Variants in CLEC2L observed in about 807,000 individuals in gnomAD.
CLEC2L encodes the protein C-type lectin domain family 2 member L.
A neutral mutation model predicts 23.6 loss-of-function variants in CLEC2L; 14 were observed. The observed-to-expected ratio is 0.59, with a 90% confidence interval of 0.39 to 0.93. The LOEUF is 0.93. Among genes scored for constraint, CLEC2L ranks in the 40% least tolerant of loss-of-function variants. The pLI is 0.00. For synonymous variants in CLEC2L, 114 were observed against 121.3 expected, an observed-to-expected ratio of 0.94 and a Z score of 0.40; for missense variants, 264 against 282.4, an observed-to-expected ratio of 0.93 and a Z score of 0.47.
intron 1 of CLEC2L, among the ~76,000 whole-genome samples, chr7:139,533,378 CAG>C (rs1223953303): frequency 6.6e-6 from 1 of 152,172 alleles, no homozygotes; most frequent in African/African-American, 2.4e-5. Context: ...TTTTTGGAGA[CAG>C]AGTCTCGCTT....
intron 1 of CLEC2L, among the ~76,000 whole-genome samples, chr7:139,530,669 C>T (rs138876083): frequency 0.011 from 1,620 of 151,898 alleles, 30 homozygotes; most frequent in African/African-American, 0.036. Flanking sequence ...AAAAATTAGC[C>T]GGGTGTGGTG....
At chr7:139,541,733 C>T (rs1797738250) in intron 3 of CLEC2L, among the ~76,000 whole-genome samples, 1 of 152,230 alleles carries the variant, frequency 6.6e-6, no homozygotes, top group Non-Finnish European at 1.5e-5. Flanking sequence ...AAGCCCTGTA[C>T]AGCCTTCCTG....
intron 4 of CLEC2L, 107 bp downstream of exon 4, chr7:139,542,228 A>G: frequency 1.4e-6 from 1 of 703,544 alleles, no homozygotes; most frequent in East Asian, 2.8e-5. Context: ...TGTGCTAGCT[A>G]GAGATACTAG....
rs766351159 is a variant in CLEC2L at position 139,540,358 on chromosome 7, G to A, written c.303G>A (p.Pro101=). The change falls in exon 3 of 5, where the codon CCG becomes CCA. Residue 101 remains proline (P), a synonymous_variant. Transcript: ENST00000422142. This position sits in a 1 kb window ranked among gnomAD's most constrained non-coding sequence, Gnocchi z 5.8. The part of the protein sequence containing the change: ...KGCIKCEAPC[P]EDWLLYGRKC... The stretch of plus-strand genomic sequence containing the variant: ...GCATCAAGTGCGAAGCGCCCTGCCC[G>A]GAGGACTGGCTGCTCTACGGAAGGA... 40 of 1,611,832 alleles carry A rather than the reference G, an allele frequency of 2.5e-5. No homozygotes were observed. The highest frequency in any genetic ancestry group is 3.3e-5 in the Non-Finnish European group (39 of 1,179,250).
At chr7:139,536,238 G>T in intron 1 of CLEC2L, 36 bp from the exon 2 acceptor site, 1 of 1,521,304 alleles carries the variant, frequency 6.6e-7, no homozygotes, top group South Asian at 1.2e-5. Context: ...CGGTGGGATG[G>T]GCGGTGGGAT....
chr7:139,529,834 AG>A (rs1797553759), intron 1 of CLEC2L, among the ~76,000 whole-genome samples: 3 of 152,278 alleles, frequency 2.0e-5, no homozygotes, highest in Admixed American at 2.0e-4. Context: ...TGGGAGGCCG[AG>A]GTGGGTGGAT....
intron 1 of CLEC2L, among the ~76,000 whole-genome samples, chr7:139,534,945 A>C (rs1159237430): frequency 6.6e-6 from 1 of 150,986 alleles, no homozygotes; most frequent in Non-Finnish European, 1.5e-5. Flanking sequence ...GGTAAAAATA[A>C]ATAAGTGTTC....
chr7:139,542,272 G>A (rs1370261229), intron 4 of CLEC2L, among the ~76,000 whole-genome samples, 151 bp downstream of exon 4: 2 of 152,196 alleles, frequency 1.3e-5, no homozygotes, highest in Non-Finnish European at 2.9e-5. Flanking sequence ...CAGAGACCCA[G>A]CCATGAAAAT....
rs770669454 is a variant in CLEC2L, at chr7:139,544,387, G to A, written c.*45G>A. 3.0e-6 allele frequency: 4 copies of A among 1,350,694 alleles called. No individual in the cohort carries two copies. Among genetic ancestry groups the A allele is most frequent in the Admixed American group, 1.9e-5 (1 of 52,412 alleles). The allele number at this position is 1,350,694 out of a possible 1,614,324, so 83.7% of individuals were successfully genotyped here. A position where few individuals can be genotyped will look rare whatever the true frequency, so the allele number is the denominator to read the frequency against. On this transcript the variant is annotated 3_prime_UTR_variant, in exon 5 of 5. Transcript: ENST00000422142. The stretch of plus-strand genomic sequence containing the variant: ...GGCCCCGCCCCTAGGCCTGTGGGAG[G>A]TGTCTGGTGTCTGCTCAAGACCTGC...
chr7:139,544,340 T>G lies in CLEC2L; in HGVS notation c.643T>G (p.Ter215GlyextTer11). 6.2e-7 allele frequency: 1 copy of G among 1,605,932 alleles called. No homozygotes were observed. Among genetic ancestry groups the G allele is most frequent in the Non-Finnish European group, 8.5e-7 (1 of 1,174,582 alleles). Residue 215 changes from the stop codon to glycine, a stop_lost, in exon 5 of 5, where the codon TGA (stop) becomes GGA (glycine). Transcript: ENST00000422142. ...GGTGTGCAGCAAGATGGCCTATACT[T>G]GAGGTGGGTGGGGCCAGAGGTGGCC... ...PWVCSKMAYT[*>G]
chr7:139,523,970 C>CCGCCCCTCGCCGCG lies in CLEC2L; in HGVS notation c.50_63dup (p.Ala22SerfsTer68). On this transcript the variant is annotated frameshift_variant, in exon 1 of 5. Transcript: ENST00000422142. LOFTEE classifies it high-confidence loss of function. The surrounding 1 kb of genome is among the most constrained non-coding windows in gnomAD (Gnocchi z 4.1). ...GCCCCCCTCGCGGGCCCGGCCGCCG[C>CCGCCCCTCGCCGCG]CGCCCCTCGCCGCGCGCCCCGCGCC... 1.0e-6 allele frequency: 1 copy of CCGCCCCTCGCCGCG among 968,188 alleles called. No individual in the cohort carries two copies. Among genetic ancestry groups the CCGCCCCTCGCCGCG allele is most frequent in the East Asian group, 1.2e-4 (1 of 8,648 alleles). 60.0% of individuals were successfully genotyped at this position (968,188 alleles called of 1,614,324 possible).
At chr7:139,534,169 A>G in intron 1 of CLEC2L, 2 of 710,250 alleles carry the variant, frequency 2.8e-6, no homozygotes, top group Non-Finnish European at 5.2e-6. Context: ...TGATGGAGTT[A>G]GTCTTTCCTC....
intron 1 of CLEC2L, among the ~76,000 whole-genome samples, chr7:139,536,070 C>T (rs1003291424): frequency 2.0e-5 from 3 of 152,072 alleles, no homozygotes; most frequent in African/African-American, 7.2e-5. Context: ...TTTGGGAGGC[C>T]AAGGCGGGTG....
chr7:139,537,105 CA>C (rs1797670843), intron 2 of CLEC2L, among the ~76,000 whole-genome samples: 1 of 151,110 alleles, frequency 6.6e-6, no homozygotes, highest in Non-Finnish European at 1.5e-5. Context: ...CTCCTCTGTC[CA>C]GGGGTAAGTG....
At chr7:139,534,151 G>A (rs1040569110) in intron 1 of CLEC2L, 1 of 663,806 alleles carries the variant, frequency 1.5e-6, no homozygotes, top group African/African-American at 1.8e-5. Context: ...GTAAAATTAT[G>A]CAACCAATGA....
chr7:139,530,551 G>A (rs185634693), intron 1 of CLEC2L, among the ~76,000 whole-genome samples: 2 of 152,266 alleles, frequency 1.3e-5, no homozygotes, highest in Admixed American at 1.3e-4. Flanking sequence ...GGTGGCTCAC[G>A]CCTATAATCC....
rs959601346 is a variant in CLEC2L at position 139,544,560 on chromosome 7, C to T, written c.*218C>T. On this transcript the variant is annotated 3_prime_UTR_variant, in exon 5 of 5. Coordinates refer to ENST00000422142, the MANE Select transcript of CLEC2L (RefSeq NM_001080511.4). ...AGGTCGTGTGGCTCAGCAGTTAAAT[C>T]CCATATGCTAGGTAGTGTAGGCATC... 3 of 582,582 alleles carry T rather than the reference C, an allele frequency of 5.1e-6. No individual in the cohort carries two copies. The highest frequency in any genetic ancestry group is 1.9e-5 in the African/African-American group (1 of 53,434). The allele number at this position is 582,582 out of a possible 1,614,324, so 36.1% of individuals were successfully genotyped here.
At position 139,544,668 on chromosome 7, in the gene CLEC2L, C is replaced by T. The variant is rs11979954; in HGVS notation, c.*326C>T. Reference sequence around the variant, plus strand: ...CTGAAGCTCAGTGTCCATCCTGAGCCACCCCACAGATCTCTCTCCGGCCCC... The same window carrying T: ...CTGAAGCTCAGTGTCCATCCTGAGCTACCCCACAGATCTCTCTCCGGCCCC... On this transcript the variant is annotated 3_prime_UTR_variant, in exon 5 of 5. Coordinates refer to ENST00000422142, the MANE Select transcript of CLEC2L (RefSeq NM_001080511.4). 0.084 allele frequency: 21,035 copies of T among 251,842 alleles called. 2,082 individuals are homozygous for T. The highest frequency in any genetic ancestry group is 0.29 in the African/African-American group (12,979 of 44,956). 15.6% of individuals were successfully genotyped at this position (251,842 alleles called of 1,614,324 possible). A position where few individuals can be genotyped will look rare whatever the true frequency, so the allele number is the denominator to read the frequency against.
In CLEC2L at chr7:139,534,223, A is replaced by C. The variant is rs112484668; in HGVS notation, c.191-2051A>C. 3,292 of 882,332 alleles carry C rather than the reference A, an allele frequency of 3.7e-3. 61 individuals carry two copies. The African/African-American group carries it at 0.047, about 13-fold the overall frequency. The allele number at this position is 882,332 out of a possible 1,614,324, so 54.7% of individuals were successfully genotyped here. A position where few individuals can be genotyped will look rare whatever the true frequency, so the allele number is the denominator to read the frequency against. On this transcript the variant is annotated intron_variant, in intron 1 of 4. Coordinates refer to ENST00000422142, the MANE Select transcript of CLEC2L (RefSeq NM_001080511.4). Reference sequence around the variant, plus strand: ...CAGCGGTGGTGTCGGCAGCGGCTGTAGCAAAGAGTTTGGCGCGATGTCTCA... The same window carrying C: ...CAGCGGTGGTGTCGGCAGCGGCTGTCGCAAAGAGTTTGGCGCGATGTCTCA...
Sources: allele counts gnomAD v4.1 joint callset (sites outside exome capture counted in the v4.1 genomes callset), GRCh38; gene constraint gnomAD v4.1.1; non-coding constraint Gnocchi (gnomAD v3.1); transcripts MANE v1.5; gene names NCBI Gene and HGNC (gene_info 2026-07-23, HGNC 2026-07-21).